The following CFAP95 variants were observed in gnomAD, a reference collection of about 807,000 sequenced individuals.
The protein encoded by CFAP95 is cilia and flagella associated protein 95, also known as cilia- and flagella-associated protein 95.
chr9:69,879,464 C>A, the CFAP95 span, among the ~76,000 whole-genome samples: 1 of 152,018 alleles, frequency 6.6e-6, no homozygotes, highest in Admixed American at 6.6e-5. Flanking sequence ...CTGAATCATG[C>A]ATATTCAGGA....
the CFAP95 span, among the ~76,000 whole-genome samples, chr9:69,839,941 G>A: frequency 6.6e-6 from 1 of 151,614 alleles, no homozygotes; most frequent in African/African-American, 2.4e-5. Context: ...GCTGGGCACG[G>A]TGGCGTGTGC....
At chr9:69,905,930 T>G in the CFAP95 span, 1 of 1,469,226 alleles carries the variant, frequency 6.8e-7, no homozygotes, top group Admixed American at 2.4e-5. Context: ...TTATTAAATA[T>G]TATTTCTCTT....
chr9:69,870,993 A>G, the CFAP95 span, among the ~76,000 whole-genome samples: 82 of 152,122 alleles, frequency 5.4e-4, no homozygotes, highest in South Asian at 0.011. Context: ...CTGAGGCGGG[A>G]GGATCACCTG....
At chr9:69,825,440 C>G in the CFAP95 span, among the ~76,000 whole-genome samples, 2 of 152,062 alleles carry the variant, frequency 1.3e-5, no homozygotes, top group African/African-American at 4.8e-5. Flanking sequence ...CTCCAAAATC[C>G]TTTTTAGGGG....
chr9:69,861,743 A>C, the CFAP95 span, among the ~76,000 whole-genome samples: 4 of 151,084 alleles, frequency 2.6e-5, no homozygotes, highest in African/African-American at 4.9e-5. Flanking sequence ...AAAAAAAAAA[A>C]AAAAAAAAAA....
the CFAP95 span, among the ~76,000 whole-genome samples, chr9:69,898,929 C>T: frequency 6.6e-6 from 1 of 151,934 alleles, no homozygotes; most frequent in South Asian, 2.1e-4. Context: ...TATTATAACT[C>T]TCCTGGCCTT....
chr9:69,867,276 T>C, the CFAP95 span, among the ~76,000 whole-genome samples: 2 of 152,342 alleles, frequency 1.3e-5, no homozygotes, highest in African/African-American at 2.4e-5. Context: ...GCACATGATA[T>C]AGTGCCCGTT....
At chr9:69,886,040 T>C in the CFAP95 span, among the ~76,000 whole-genome samples, 131,553 of 152,188 alleles carry the variant, frequency 0.86, 56,985 homozygotes, top group Middle Eastern at 0.93. Context: ...CTCTGAGTAG[T>C]GCCACAAAAT....
At chr9:69,872,587 G>C in the CFAP95 span, among the ~76,000 whole-genome samples, 1 of 152,148 alleles carries the variant, frequency 6.6e-6, no homozygotes, top group Non-Finnish European at 1.5e-5. Flanking sequence ...TTCTTAACAA[G>C]TGCTGGGCTT....
chr9:69,823,786 C>T, the CFAP95 span, among the ~76,000 whole-genome samples: 1 of 152,124 alleles, frequency 6.6e-6, no homozygotes, highest in African/African-American at 2.4e-5. Context: ...AAATTACAGT[C>T]AAATGGGATT....
chr9:69,838,699 C>T, the CFAP95 span, among the ~76,000 whole-genome samples: 1 of 151,342 alleles, frequency 6.6e-6, no homozygotes, highest in Non-Finnish European at 1.5e-5. Flanking sequence ...TTGACTTCCT[C>T]TTTTCCTAAT....
At chr9:69,862,498 C>T in the CFAP95 span, among the ~76,000 whole-genome samples, 1 of 152,130 alleles carries the variant, frequency 6.6e-6, no homozygotes, top group Admixed American at 6.5e-5. Flanking sequence ...AGAATCTGCT[C>T]TCCTGAATAT....
At chr9:69,885,694 G>T in the CFAP95 span, among the ~76,000 whole-genome samples, 1 of 152,244 alleles carries the variant, frequency 6.6e-6, no homozygotes, top group African/African-American at 2.4e-5. Flanking sequence ...GGTTGGGAAT[G>T]TTATGTAATC....
the CFAP95 span, among the ~76,000 whole-genome samples, chr9:69,854,814 G>A: frequency 2.0e-5 from 3 of 152,152 alleles, no homozygotes; most frequent in Non-Finnish European, 4.4e-5. Flanking sequence ...CAGTGGCTGG[G>A]TTTCTGTTAT....
the CFAP95 span, among the ~76,000 whole-genome samples, chr9:69,836,375 C>A: frequency 6.6e-6 from 1 of 152,114 alleles, no homozygotes; most frequent in Non-Finnish European, 1.5e-5. Context: ...GGATGTTTAG[C>A]AGCATCGCTG....
At chr9:69,856,165 A>AATG in the CFAP95 span, among the ~76,000 whole-genome samples, 12 of 152,152 alleles carry the variant, frequency 7.9e-5, no homozygotes, top group East Asian at 1.9e-4. Context: ...AGTGAATAAT[A>AATG]ATGATGATGA....
the CFAP95 span, among the ~76,000 whole-genome samples, chr9:69,867,926 G>A: frequency 0.59 from 89,931 of 152,036 alleles, 26,866 homozygotes; most frequent in East Asian, 0.82. Context: ...TAAACCACCC[G>A]GCTGAGCTAA....
At chr9:69,841,164 T>A in the CFAP95 span, among the ~76,000 whole-genome samples, 1 of 56,078 alleles carries the variant, frequency 1.8e-5, no homozygotes, top group Non-Finnish European at 3.6e-5. Context: ...CCAAGCTGGA[T>A]TATATATATA....
the CFAP95 span, among the ~76,000 whole-genome samples, chr9:69,901,471 C>T: frequency 2.0e-5 from 3 of 152,188 alleles, no homozygotes; most frequent in South Asian, 2.1e-4. Flanking sequence ...ATAATTTGCT[C>T]GGAATGATGG....
Sources: allele counts gnomAD v4.1 joint callset (sites outside exome capture counted in the v4.1 genomes callset), GRCh38; gene constraint gnomAD v4.1.1; transcripts MANE v1.5; gene names NCBI Gene and HGNC (gene_info 2026-07-23, HGNC 2026-07-21).